Variants in ANGEL2 observed in about 807,000 individuals in gnomAD.
ANGEL2 encodes the protein angel homolog 2.
ANGEL2 carries 41 observed loss-of-function variants against 66.0 expected under a neutral mutation model. The ratio of observed to expected loss-of-function variants is 0.62; its 90% confidence interval spans 0.48 to 0.81. The LOEUF (loss-of-function observed/expected upper bound fraction) is 0.81. ANGEL2 is among the 30% of genes least tolerant of loss of function. ANGEL2 has a pLI of 0.00. For synonymous variants in ANGEL2, 208 were observed against 226.5 expected, an observed-to-expected ratio of 0.92 and a Z score of 0.73; for missense variants, 561 against 641.6, an observed-to-expected ratio of 0.87 and a Z score of 1.36.
Position 212,995,097 on chromosome 1 carries a change from C to T in ANGEL2, c.1579G>A (p.Glu527Lys). 1 of 1,612,402 alleles carries T rather than the reference C, an allele frequency of 6.2e-7. No individual in the cohort carries two copies. The highest frequency in any genetic ancestry group is 8.5e-7 in the Non-Finnish European group (1 of 1,179,056). ...GGCAGATGATCTGAAGAGTTATTTT[C>T]GTTTGGAAGTCCATTAACAGTCCAT... ...DLWTVNGLPN[E>K]NNSSDHLPLL... Residue 527 changes from glutamate to lysine, a missense_variant, in exon 9 of 9, where the codon GAA (glutamate) becomes AAA (lysine). Glu to Lys is a moderately conservative substitution (Grantham distance 56). Transcript: ENST00000366962.
intron 5 of ANGEL2, 60 bp downstream of exon 5, chr1:213,004,973 A>G: frequency 7.4e-7 from 1 of 1,357,046 alleles, no homozygotes; most frequent in South Asian, 1.5e-5. Context: ...GACTATCTTC[A>G]CATTATCATG....
chr1:212,994,127 CA>C lies in ANGEL2; in HGVS notation c.*913del, dbSNP rs1167480378. 6.6e-6 allele frequency: 1 copy of C among 151,942 alleles called. No homozygotes were observed. The highest frequency in any genetic ancestry group is 1.5e-5 in the Non-Finnish European group (1 of 67,986). 9.4% of individuals were successfully genotyped at this position (151,942 alleles called of 1,614,324 possible). ...GGAAACCCTGTCTCTACTGAAAATACAAAATTAGCTGGGAGTGGTGACGCAT... is the reference window on the plus strand; with the variant it reads ...GGAAACCCTGTCTCTACTGAAAATACAAATTAGCTGGGAGTGGTGACGCAT... On this transcript the variant is annotated 3_prime_UTR_variant, in exon 9 of 9. Transcript: ENST00000366962.
chr1:213,005,829 G>A (rs1422802066), intron 4 of ANGEL2, among the ~76,000 whole-genome samples: 1 of 151,976 alleles, frequency 6.6e-6, no homozygotes, highest in African/African-American at 2.4e-5. Context: ...CTCCTCACTT[G>A]CCTTAACACA....
chr1:213,002,674 T>C lies in ANGEL2; in HGVS notation c.1135-1762A>G, dbSNP rs530591246. On this transcript the variant is annotated intron_variant, in intron 5 of 8. Coordinates refer to ENST00000366962, the MANE Select transcript of ANGEL2 (RefSeq NM_144567.5). ...GGCTCATGCCTGTAATCCCAACACT[T>C]TGAGGGGCTGAGGCAGGAGGATTGC... 3.2e-3 allele frequency among the ~76,000 whole-genome samples: 490 copies of C among 152,246 alleles called. 3 individuals carry two copies. The highest frequency in any genetic ancestry group is 0.011 in the African/African-American group (477 of 41,544).
intron 2 of ANGEL2, among the ~76,000 whole-genome samples, chr1:213,012,709 A>C (rs1054591843): frequency 2.0e-5 from 3 of 152,188 alleles, no homozygotes; most frequent in Non-Finnish European, 2.9e-5. Context: ...TGAAAACACT[A>C]AATTTTTTTT....
intron 3 of ANGEL2, among the ~76,000 whole-genome samples, chr1:213,007,658 A>G (rs1454455282): frequency 6.6e-6 from 1 of 152,188 alleles, no homozygotes; most frequent in African/African-American, 2.4e-5. Flanking sequence ...CCATACTTAA[A>G]AACTTTTTGG....
intron 3 of ANGEL2, among the ~76,000 whole-genome samples, 185 bp downstream of exon 3, chr1:213,008,025 G>A (rs1334746499): frequency 3.3e-5 from 5 of 151,842 alleles, no homozygotes; most frequent in Admixed American, 2.0e-4. Context: ...CACCACGCCC[G>A]GCTAATTTTG....
In ANGEL2 at chr1:213,005,458, C is replaced by T; in HGVS notation, c.713-4G>A. The T allele has an allele frequency of 6.4e-7, 1 of 1,565,280 alleles. No homozygotes were observed. The highest frequency in any genetic ancestry group is 1.2e-5 in the South Asian group (1 of 82,818). ...ATCTTATATTCACAGTGATAACCTACAAGAAACAAATGAATTTAAAACAAA... is the reference window on the plus strand; with the variant it reads ...ATCTTATATTCACAGTGATAACCTATAAGAAACAAATGAATTTAAAACAAA... On this transcript the variant is annotated splice_region_variant and splice_polypyrimidine_tract_variant and intron_variant, in intron 4 of 8. Transcript: ENST00000366962.
intron 5 of ANGEL2, 30 bp downstream of exon 5, chr1:213,005,003 C>T: frequency 8.7e-6 from 13 of 1,487,238 alleles, no homozygotes; most frequent in Non-Finnish European, 1.2e-5. Context: ...ACTATGTCCA[C>T]TCCCTAATAA....
chr1:212,994,787 T>C lies in ANGEL2; in HGVS notation c.*254A>G, dbSNP rs1348984150. ...AAAATCACTGTCAATTTTACTAGGATTTAGAATATAAAACCTTTACATCTC... is the reference window on the plus strand; with the variant it reads ...AAAATCACTGTCAATTTTACTAGGACTTAGAATATAAAACCTTTACATCTC... On this transcript the variant is annotated 3_prime_UTR_variant, in exon 9 of 9. Coordinates refer to ENST00000366962, the MANE Select transcript of ANGEL2 (RefSeq NM_144567.5). 7.9e-6 allele frequency: 2 copies of C among 253,426 alleles called. No individual in the cohort carries two copies. Among genetic ancestry groups the C allele is most frequent in the African/African-American group, 2.2e-5 (1 of 45,192 alleles). The allele number at this position is 253,426 out of a possible 1,614,324, so 15.7% of individuals were successfully genotyped here.
intron 6 of ANGEL2, 186 bp downstream of exon 6, chr1:213,000,600 G>A: frequency 1.3e-6 from 1 of 755,192 alleles, no homozygotes. Flanking sequence ...ATCATGCACA[G>A]ATAATTCTGG....
Position 213,015,732 on chromosome 1 carries a change from G to C in ANGEL2, c.-61C>G. On this transcript the variant is annotated 5_prime_UTR_variant, in exon 1 of 9. It adds an upstream start codon to the 5' untranslated region. Coordinates refer to ENST00000366962, the MANE Select transcript of ANGEL2 (RefSeq NM_144567.5). ...GGGTTCCACCTCAATCTCTATAATCGATGCGACGGCCTAAAGTATCTAGGG... is the reference window on the plus strand; with the variant it reads ...GGGTTCCACCTCAATCTCTATAATCCATGCGACGGCCTAAAGTATCTAGGG... 6.2e-7 allele frequency: 1 copy of C among 1,609,370 alleles called. No individual in the cohort carries two copies. Among genetic ancestry groups the C allele is most frequent in the Non-Finnish European group, 8.5e-7 (1 of 1,176,124 alleles).
Position 213,015,707 on chromosome 1 carries a change from G to C in ANGEL2, c.-36C>G. The C allele has an allele frequency of 6.2e-7, 1 of 1,613,972 alleles. No homozygotes were observed. Among genetic ancestry groups the C allele is most frequent in the East Asian group, 2.2e-5 (1 of 44,852 alleles). On this transcript the variant is annotated 5_prime_UTR_variant, in exon 1 of 9. Coordinates refer to ENST00000366962, the MANE Select transcript of ANGEL2 (RefSeq NM_144567.5). ...CGCGTGCGTCCAGTTCCCAGGCCCCGGGTTCCACCTCAATCTCTATAATCG... is the reference window on the plus strand; with the variant it reads ...CGCGTGCGTCCAGTTCCCAGGCCCCCGGTTCCACCTCAATCTCTATAATCG...
At chr1:213,011,298 G>GACTT in intron 2 of ANGEL2, 2 of 1,276,554 alleles carry the variant, frequency 1.6e-6, no homozygotes, top group Non-Finnish European at 2.0e-6. Flanking sequence ...TTTTTAGGGT[G>GACTT]CCTAATTACA....
rs1417604370 is a variant in ANGEL2, at chr1:213,005,108, A to G, written c.1059T>C (p.Asn353=). Residue 353 remains asparagine, a synonymous_variant, in exon 5 of 9, where the codon AAT becomes AAC. Transcript: ENST00000366962. ...TATATAGTGGAGAACCAGGAACAGA[A>G]TTAAAGTCACCACACATAACAATAG... ...FCPIVMCGDF[N]SVPGSPLYSF... is the part of the protein sequence containing the mutation. 2 of 1,613,586 alleles carry G rather than the reference A, an allele frequency of 1.2e-6. No homozygotes were observed. Among genetic ancestry groups the G allele is most frequent in the African/African-American group, 1.3e-5 (1 of 74,906 alleles).
chr1:212,995,172 C>T lies in ANGEL2; in HGVS notation c.1504G>A (p.Gly502Ser). 6.2e-7 allele frequency: 1 copy of T among 1,604,616 alleles called. No homozygotes were observed. Among genetic ancestry groups the T allele is most frequent in the Middle Eastern group, 1.7e-4 (1 of 6,020 alleles). Residue 502 changes from glycine (G) to serine (S), a missense_variant, in exon 9 of 9, where the codon GGT becomes AGT. Transcript: ENST00000366962. ...AGTCTAGCTAGAAGTTTCAAGCCAC[C>T]AACCAAAGCAACTTCAGCTCCTACA... The part of the protein sequence containing the change: ...GHPGAEVALV[G>S]GLKLLARLSL...
chr1:212,995,386 TTGAGA>T (rs2102685070), intron 8 of ANGEL2, among the ~76,000 whole-genome samples, 194 bp from the exon 9 acceptor site: 1 of 152,336 alleles, frequency 6.6e-6, no homozygotes, highest in African/African-American at 2.4e-5. Flanking sequence ...ACACAGCAGT[TTGAGA>T]TATTTTTTCT....
chr1:213,007,191 C>T lies in ANGEL2; in HGVS notation c.650G>A (p.Cys217Tyr). The T allele has an allele frequency of 6.4e-7, 1 of 1,563,634 alleles. No individual in the cohort carries two copies. Among genetic ancestry groups the T allele is most frequent in the Non-Finnish European group, 8.6e-7 (1 of 1,160,076 alleles). ...ATGATCTTCTTGAACTTCTTGCAAA[C>T]AAAGTACCTTGGAAGAAAAAAATAG... ...EIKHFDADVL[C>Y]LQEVQEDHYG... Residue 217 changes from cysteine (C) to tyrosine (Y), a missense_variant, in exon 4 of 9, where the codon TGT (cysteine) becomes TAT (tyrosine). Coordinates refer to ENST00000366962, the MANE Select transcript of ANGEL2 (RefSeq NM_144567.5).
Position 213,000,386 on chromosome 1 carries a change from G to C in ANGEL2, c.1262-3C>G. Reference sequence around the variant, plus strand: ...CTGTGTTTGTGTCAGATCACTGTCTGTAAGAATAGAGGAAAATATATTAAT... The same window carrying C: ...CTGTGTTTGTGTCAGATCACTGTCTCTAAGAATAGAGGAAAATATATTAAT... On this transcript the variant is annotated splice_polypyrimidine_tract_variant and splice_region_variant and intron_variant, in intron 6 of 8. Transcript: ENST00000366962. The C allele has an allele frequency of 6.2e-7, 1 of 1,611,708 alleles. No individual in the cohort carries two copies. Among genetic ancestry groups the C allele is most frequent in the Non-Finnish European group, 8.5e-7 (1 of 1,178,080 alleles).
Sources: gnomAD v4.1 joint callset for allele counts (sites outside exome capture counted in the v4.1 genomes callset) on GRCh38, gnomAD v4.1.1 for gene constraint, MANE v1.5 for transcripts, NCBI Gene and HGNC (gene_info 2026-07-23, HGNC 2026-07-21) for gene names.